UMODL1: variants seen among roughly 807,000 people sequenced by gnomAD.
The protein encoded by UMODL1 is uromodulin like 1, also known as uromodulin-like 1.
In UMODL1, 128 loss-of-function variants were observed where a neutral mutation model predicts 136.3. The ratio of observed to expected loss-of-function variants is 0.94; its 90% CI spans 0.81 to 1.09. The LOEUF (loss-of-function observed/expected upper bound fraction) is 1.09. Among genes scored for constraint, UMODL1 ranks in the 50% least tolerant of loss-of-function variants. UMODL1 has a pLI of 0.00. For synonymous variants in UMODL1, 721 were observed against 720.0 expected (o/e 1.00, Z -0.02); for missense variants, 1,766 against 1,725.6 (o/e 1.02, Z -0.41).
chr21:42,137,837 T>C (rs1396104451), intron 22 of UMODL1, among the ~76,000 whole-genome samples, 196 bp downstream of exon 22: 3 of 105,034 alleles, frequency 2.9e-5, no homozygotes, highest in Non-Finnish European at 4.5e-5. Flanking sequence ...CTGATGTGCA[T>C]GTCCTGCCTT....
At position 42,073,027 on chromosome 21, in the gene UMODL1, C is replaced by T. The variant is rs565071910; in HGVS notation, c.76+1635C>T. ...AGATGAGTGTGTGTGTGTGTGCGCG[C>T]GCGCGTGTGTGTGTGTGCGTGTGCG... is the stretch of plus-strand genomic sequence containing the variant. On this transcript the variant is annotated intron_variant, in intron 1 of 22. Coordinates refer to ENST00000408910, the MANE Select transcript of UMODL1 (RefSeq NM_001004416.3). 2.1e-3 allele frequency among the ~76,000 whole-genome samples: 319 copies of T among 152,102 alleles called. 1 individual carries two copies. Among genetic ancestry groups the T allele is most frequent in the African/African-American group, 7.4e-3 (306 of 41,492 alleles).
Position 42,102,231 on chromosome 21 carries a change from C to A in UMODL1, c.1252C>A (p.Arg418Ser). 1 of 1,613,786 alleles carries A rather than the reference C, an allele frequency of 6.2e-7. No individual in the cohort carries two copies. The highest frequency in any genetic ancestry group is 8.5e-7 in the Non-Finnish European group (1 of 1,179,810). ...NHNLTEKLLN[R>S]SSVEYQDFSR... is the part of the protein sequence containing the mutation. ...CAACCTGACGGAGAAGTTACTCAAC[C>A]GCAGCAGTGTGGAGTACCAGGACTT... The change falls in exon 8 of 23, where the codon CGC becomes AGC. Residue 418 changes from arginine (R) to serine (S), a missense_variant. Coordinates refer to ENST00000408910, the MANE Select transcript of UMODL1 (RefSeq NM_001004416.3).
intron 9 of UMODL1, among the ~76,000 whole-genome samples, chr21:42,107,344 C>T (rs953576745): frequency 5.9e-5 from 9 of 152,208 alleles, no homozygotes; most frequent in Non-Finnish European, 1.2e-4. Context: ...GGAATCAACG[C>T]CGCTTTTCCT....
chr21:42,099,082 T>C lies in UMODL1; in HGVS notation c.1088T>C (p.Leu363Pro). The change falls in exon 7 of 23, where the codon CTG becomes CCG. Residue 363 changes from leucine to proline, a missense_variant. Leu to Pro is a moderately conservative substitution (Grantham distance 98). Transcript: ENST00000408910. The surrounding 1 kb of genome is among the most constrained non-coding windows in gnomAD (Gnocchi z 4.1). ...LRSARTQSQA[L>P]AVAGLEAGVL... Reference sequence around the variant, plus strand: ...AGCGCCAGGACACAGAGCCAGGCACTGGCAGTGGCTGGGCTGGAGGCTGGA... The same window carrying C: ...AGCGCCAGGACACAGAGCCAGGCACCGGCAGTGGCTGGGCTGGAGGCTGGA... 2 of 1,614,164 alleles carry C rather than the reference T, an allele frequency of 1.2e-6. No homozygotes were observed. The highest frequency in any genetic ancestry group is 8.5e-7 in the Non-Finnish European group (1 of 1,180,038).
At chr21:42,102,018 T>A (rs2066640530) in intron 7 of UMODL1, 148 bp from the exon 8 acceptor site, 2 of 587,338 alleles carry the variant, frequency 3.4e-6, no homozygotes, top group South Asian at 4.1e-5. Context: ...TACATTTATT[T>A]CCCCCAATTA....
chr21:42,080,015 G>A lies in UMODL1; in HGVS notation c.319+3768G>A, dbSNP rs553191614. ...CCACGAGGCTTCTGCAACTCCTGCC[G>A]CTGGAGGGCCTGTATCCCATTTCTT... On this transcript the variant is annotated intron_variant, in intron 2 of 22. Transcript: ENST00000408910. 9.6e-4 allele frequency among the ~76,000 whole-genome samples: 146 copies of A among 152,350 alleles called. 1 individual carries two copies. The highest frequency in any genetic ancestry group is 3.1e-3 in the African/African-American group (128 of 41,578).
In UMODL1 at chr21:42,113,586, T is replaced by C; in HGVS notation, c.2118T>C (p.Ile706=). The change falls in exon 13 of 23, where the codon ATT becomes ATC. Residue 706 remains isoleucine (I), a synonymous_variant. Coordinates refer to ENST00000408910, the MANE Select transcript of UMODL1 (RefSeq NM_001004416.3). ...TCCACTTCCCAGTTCCTGTCTCCAT[T>C]GGGAGGATCATGGTCTCCAATGTGA... ...LKTPACVPVS[I]GRIMVSNVTS... is the part of the protein sequence containing the mutation. 6.2e-7 allele frequency: 1 copy of C among 1,613,398 alleles called. No individual in the cohort carries two copies. The highest frequency in any genetic ancestry group is 1.1e-5 in the South Asian group (1 of 91,058).
chr21:42,108,354 T>A, intron 9 of UMODL1: 1 of 525,622 alleles, frequency 1.9e-6, no homozygotes. Flanking sequence ...ACCAGCAGTG[T>A]TCTGATGGCA....
At chr21:42,073,878 G>T (rs539105588) in intron 1 of UMODL1, among the ~76,000 whole-genome samples, 1 of 152,194 alleles carries the variant, frequency 6.6e-6, no homozygotes, top group African/African-American at 2.4e-5. Flanking sequence ...CCTCTTGGGG[G>T]TACAGTCTAG....
chr21:42,112,585 A>C (rs1017480839), intron 12 of UMODL1, among the ~76,000 whole-genome samples: 14 of 149,320 alleles, frequency 9.4e-5, no homozygotes, highest in African/African-American at 3.2e-4. Flanking sequence ...TGTACCTCCC[A>C]GCTCTTCTGT....
chr21:42,087,489 A>G (rs1002866023), intron 4 of UMODL1, among the ~76,000 whole-genome samples: 1 of 152,204 alleles, frequency 6.6e-6, no homozygotes, highest in African/African-American at 2.4e-5. Context: ...CCAAGGGTTG[A>G]GATTTCAAGA....
At chr21:42,090,166 C>T (rs2146450462) in intron 5 of UMODL1, 132 bp from the exon 6 acceptor site, 1 of 1,255,222 alleles carries the variant, frequency 8.0e-7, no homozygotes, top group South Asian at 1.4e-5. Flanking sequence ...GGGATCACTG[C>T]CCAAGGCACC....
At chr21:42,096,676 C>T (rs1044034738) in intron 6 of UMODL1, among the ~76,000 whole-genome samples, 1 of 152,178 alleles carries the variant, frequency 6.6e-6, no homozygotes, top group Non-Finnish European at 1.5e-5. Context: ...TGAATGGCAA[C>T]AAGGAGGCAA....
chr21:42,132,272 C>A (rs1037304392), intron 21 of UMODL1, among the ~76,000 whole-genome samples: 3 of 151,092 alleles, frequency 2.0e-5, no homozygotes, highest in African/African-American at 7.4e-5. Flanking sequence ...CCCATTCATT[C>A]ATCTATTCAT....
chr21:42,139,612 G>C (rs1046621928), intron 22 of UMODL1, among the ~76,000 whole-genome samples: 11 of 152,078 alleles, frequency 7.2e-5, no homozygotes, highest in African/African-American at 2.4e-4. Flanking sequence ...ATTTTCCCTC[G>C]ATGTTTTAAT....
chr21:42,085,201 T>A lies in UMODL1; in HGVS notation c.482-90T>A. 1 of 1,516,968 alleles carries A rather than the reference T, an allele frequency of 6.6e-7. No homozygotes were observed. Among genetic ancestry groups the A allele is most frequent in the Non-Finnish European group, 8.9e-7 (1 of 1,121,706 alleles). 94.0% of individuals were successfully genotyped at this position (1,516,968 alleles called of 1,614,324 possible). ...GAGCAGGGCCTCTCATGGCCTCTGGTTCCCTCTCCTGCCCCCTCTCCCACC... is the reference window on the plus strand; with the variant it reads ...GAGCAGGGCCTCTCATGGCCTCTGGATCCCTCTCCTGCCCCCTCTCCCACC... On this transcript the variant is annotated intron_variant, in intron 3 of 22. Transcript: ENST00000408910. The surrounding 1 kb of genome is among the most constrained non-coding windows in gnomAD (Gnocchi z 4.5).
intron 10 of UMODL1, 27 bp downstream of exon 10, chr21:42,109,726 TGG>T: frequency 6.3e-7 from 1 of 1,596,134 alleles, no homozygotes; most frequent in Non-Finnish European, 8.5e-7. Context: ...CTGCCGACTC[TGG>T]GAAGACCCCC....
Position 42,137,605 on chromosome 21 carries a change from G to A in UMODL1, c.3942G>A (p.Gln1314=), listed in dbSNP as rs2067223813. 6.2e-7 allele frequency: 1 copy of A among 1,613,920 alleles called. No homozygotes were observed. Among genetic ancestry groups the A allele is most frequent in the Non-Finnish European group, 8.5e-7 (1 of 1,179,990 alleles). Residue 1314 remains glutamine, a synonymous_variant, in exon 22 of 23, where the codon CAG becomes CAA. Coordinates refer to ENST00000408910, the MANE Select transcript of UMODL1 (RefSeq NM_001004416.3). ...FKIQSNNFSY[Q]VFYE is the part of the protein sequence containing the mutation. ...TCCAGTCCAACAACTTCAGCTACCA[G>A]GTGTTCTACGAATAGGAGGCGCAGG...
At chr21:42,104,267 T>A (rs1054160592) in intron 9 of UMODL1, among the ~76,000 whole-genome samples, 180 bp downstream of exon 9, 37 of 152,082 alleles carry the variant, frequency 2.4e-4, no homozygotes, top group Non-Finnish European at 5.0e-4. Context: ...AGCTCACCTG[T>A]GTCTCATTGG....
Sources: allele counts gnomAD v4.1 joint callset (sites outside exome capture counted in the v4.1 genomes callset), GRCh38; gene constraint gnomAD v4.1.1; non-coding constraint Gnocchi (gnomAD v3.1); transcripts MANE v1.5; gene names NCBI Gene and HGNC (gene_info 2026-07-23, HGNC 2026-07-21).